The following ZFYVE9 variants were observed in gnomAD, a reference collection of about 807,000 sequenced individuals.
The protein encoded by ZFYVE9 is zinc finger FYVE domain-containing protein 9.
ZFYVE9 carries 43 observed loss-of-function variants against 126.7 expected under a neutral mutation model. The ratio of observed to expected loss-of-function variants is 0.34; its 90% CI spans 0.27 to 0.44. ZFYVE9 has a LOEUF of 0.44. ZFYVE9 is among the 20% of genes least tolerant of loss of function. The probability of loss-of-function intolerance (pLI) is 1.00; values close to 1 mark genes in which losing one functional copy is unlikely to be tolerated. For synonymous variants in ZFYVE9, 521 were observed against 597.4 expected, an observed-to-expected ratio of 0.87 and a Z score of 1.87; for missense variants, 1,476 against 1,697.0, an observed-to-expected ratio of 0.87 and a Z score of 2.29.
At chr1:52,226,038 G>T (rs571959731) in intron 2 of ZFYVE9, among the ~76,000 whole-genome samples, 1 of 152,094 alleles carries the variant, frequency 6.6e-6, no homozygotes. Context: ...TTGAGGAGGC[G>T]GTGTCTGATT....
At chr1:52,278,424 T>C (rs1169936229) in intron 8 of ZFYVE9, 68 bp from the exon 9 acceptor site, 1 of 1,582,256 alleles carries the variant, frequency 6.3e-7, no homozygotes, top group Non-Finnish European at 8.7e-7. Flanking sequence ...TTAGCTCATT[T>C]CTCCATCTGA....
intron 1 of ZFYVE9, among the ~76,000 whole-genome samples, chr1:52,176,648 G>T (rs930686161): frequency 2.0e-5 from 3 of 152,212 alleles, no homozygotes; most frequent in Non-Finnish European, 2.9e-5. Flanking sequence ...GCTCCACCCA[G>T]TTCGAGCTTC....
At chr1:52,172,050 G>A (rs1572072006) in intron 1 of ZFYVE9, among the ~76,000 whole-genome samples, 1 of 152,102 alleles carries the variant, frequency 6.6e-6, no homozygotes, top group African/African-American at 2.4e-5. Flanking sequence ...ATTGCTTTTG[G>A]TGTTTTAGAC....
intron 16 of ZFYVE9, among the ~76,000 whole-genome samples, chr1:52,338,479 C>T (rs1427219238): frequency 6.6e-6 from 1 of 152,162 alleles, no homozygotes; most frequent in Non-Finnish European, 1.5e-5. Context: ...CCCCCTCACC[C>T]CTTTCTTCCT....
Position 52,209,390 on chromosome 1 carries a change from C to G in ZFYVE9, c.-142-6979C>G, listed in dbSNP as rs534790265. On this transcript the variant is annotated intron_variant, in intron 1 of 18. Coordinates refer to ENST00000287727, the MANE Select transcript of ZFYVE9 (RefSeq NM_004799.4). ...AAAATTCACTTTTAAAGCACACATT[C>G]AGTGGTTTTCAGTATATTCACAGAG... is the stretch of plus-strand genomic sequence containing the variant. Among the ~76,000 whole-genome samples the G allele has an allele frequency of 8.5e-5, 13 of 152,198 alleles. No homozygotes were observed. The South Asian group carries it at 2.7e-3, about 32-fold the overall frequency.
At chr1:52,284,359 T>C (rs186643591) in intron 10 of ZFYVE9, among the ~76,000 whole-genome samples, 4 of 152,140 alleles carry the variant, frequency 2.6e-5, no homozygotes, top group Non-Finnish European at 4.4e-5. Context: ...TCCTGAGAGA[T>C]AGACATCCTC....
chr1:52,308,627 G>T (rs1480934322), intron 13 of ZFYVE9, among the ~76,000 whole-genome samples: 1 of 151,692 alleles, frequency 6.6e-6, no homozygotes, highest in Non-Finnish European at 1.5e-5. Flanking sequence ...GTTCCTTATT[G>T]ATTCATACTT....
In ZFYVE9 at chr1:52,278,559, C is replaced by T. The variant is rs1645770865; in HGVS notation, c.2814C>T (p.Asp938=). ...VMQQLEDGGP[D]PLVFVLNANL... ...AGCAGTTGGAGGATGGTGGCCCTGA[C>T]CCACTTGTATTTGTTTTAAATGCAA... The change falls in exon 9 of 19, where the codon GAC becomes GAT. Residue 938 remains aspartate, a synonymous_variant. Coordinates refer to ENST00000287727, the MANE Select transcript of ZFYVE9 (RefSeq NM_004799.4). 6.2e-7 allele frequency: 1 copy of T among 1,609,342 alleles called. No homozygotes were observed. The highest frequency in any genetic ancestry group is 1.3e-5 in the African/African-American group (1 of 74,748).
chr1:52,161,807 G>A (rs939495634), intron 1 of ZFYVE9, among the ~76,000 whole-genome samples: 2 of 151,940 alleles, frequency 1.3e-5, no homozygotes, highest in African/African-American at 4.8e-5. Context: ...ATGTGTTACT[G>A]TCTTCCTCAA....
At chr1:52,273,408 G>A (rs1448942741) in intron 7 of ZFYVE9, among the ~76,000 whole-genome samples, 1 of 152,186 alleles carries the variant, frequency 6.6e-6, no homozygotes, top group African/African-American at 2.4e-5. Flanking sequence ...AGAGAGGAGA[G>A]CATCATTTTA....
intron 3 of ZFYVE9, among the ~76,000 whole-genome samples, chr1:52,235,251 T>C (rs1358684061): frequency 1.3e-5 from 2 of 151,366 alleles, no homozygotes; most frequent in African/African-American, 4.8e-5. Flanking sequence ...TTAGAGAATA[T>C]ACTTAAAATG....
chr1:52,178,449 G>C (rs1463860943), intron 1 of ZFYVE9, among the ~76,000 whole-genome samples: 1 of 150,294 alleles, frequency 6.7e-6, no homozygotes, highest in Non-Finnish European at 1.5e-5. Flanking sequence ...CTCTTGCCTC[G>C]GCCTCCTGAG....
At chr1:52,273,772 T>C (rs1645717109) in intron 7 of ZFYVE9, among the ~76,000 whole-genome samples, 1 of 143,474 alleles carries the variant, frequency 7.0e-6, no homozygotes, top group African/African-American at 2.6e-5. Context: ...AGGTTGTAGA[T>C]GATGCCATTG....
intron 13 of ZFYVE9, among the ~76,000 whole-genome samples, chr1:52,318,335 C>T (rs1277323439): frequency 6.7e-6 from 1 of 150,330 alleles, no homozygotes. Context: ...TGACGAAATC[C>T]TACTTCCATT....
At chr1:52,248,230 A>G (rs346561) in intron 4 of ZFYVE9, among the ~76,000 whole-genome samples, 1 of 151,908 alleles carries the variant, frequency 6.6e-6, no homozygotes. Flanking sequence ...GGCCTGAGAG[A>G]CCCCCAGAAG....
chr1:52,146,992 C>T (rs938582263), intron 1 of ZFYVE9, among the ~76,000 whole-genome samples: 5 of 152,114 alleles, frequency 3.3e-5, no homozygotes, highest in Non-Finnish European at 5.9e-5. Flanking sequence ...AAAAATTCCA[C>T]GCCTGATCTC....
intron 1 of ZFYVE9, among the ~76,000 whole-genome samples, chr1:52,182,330 T>C (rs1470454090): frequency 6.6e-6 from 1 of 151,964 alleles, no homozygotes; most frequent in African/African-American, 2.4e-5. Context: ...GGGGAAAAGA[T>C]TGAGAAATCA....
At chr1:52,259,461 A>G (rs1382992326) in intron 4 of ZFYVE9, among the ~76,000 whole-genome samples, 3 of 152,072 alleles carry the variant, frequency 2.0e-5, no homozygotes, top group Non-Finnish European at 4.4e-5. Context: ...AAATATCCCA[A>G]TACAACATTT....
chr1:52,295,337 TG>T (rs1479976080), intron 11 of ZFYVE9, among the ~76,000 whole-genome samples: 2 of 139,268 alleles, frequency 1.4e-5, no homozygotes, highest in African/African-American at 6.0e-5. Context: ...TAAGACCTTG[TG>T]GGTTTGTTTG....
Sources: gnomAD v4.1 joint callset for allele counts (sites outside exome capture counted in the v4.1 genomes callset) on GRCh38, gnomAD v4.1.1 for gene constraint, MANE v1.5 for transcripts, NCBI Gene and HGNC (gene_info 2026-07-23, HGNC 2026-07-21) for gene names.